Variants in GPC3 observed in about 807,000 individuals in gnomAD.
GPC3 encodes the protein glypican-3.
In GPC3, 3 loss-of-function variants were observed where a neutral mutation model predicts 34.4. The observed-to-expected ratio is 0.09, with a 90% confidence interval of 0.04 to 0.23. GPC3 has a LOEUF of 0.23. GPC3 is among the 10% of genes least tolerant of loss of function. The pLI is 1.00. For synonymous variants in GPC3, 177 were observed against 174.0 expected, an observed-to-expected ratio of 1.02 and a Z score of -0.13; for missense variants, 351 against 445.6, an observed-to-expected ratio of 0.79 and a Z score of 1.91.
At chrX:133,577,431 C>T (rs948304291) in intron 7 of GPC3, among the ~76,000 whole-genome samples, 7 of 111,638 alleles carry the variant, frequency 6.3e-5, no homozygotes, top group African/African-American at 2.3e-4. Flanking sequence ...AAGGGTTAAT[C>T]GTTAGAAAAA....
At chrX:133,677,204 G>C (rs1349182998) in intron 5 of GPC3, among the ~76,000 whole-genome samples, 2 of 111,651 alleles carry the variant, frequency 1.8e-5, no homozygotes, top group Non-Finnish European at 3.8e-5. Context: ...CAACCTACCT[G>C]CTCCCCTGTA....
chrX:133,951,018 T>C (rs1007110327), intron 2 of GPC3, among the ~76,000 whole-genome samples: 1 of 108,716 alleles, frequency 9.2e-6, no homozygotes, highest in African/African-American at 3.4e-5. Context: ...GCTAGGGTTG[T>C]CCTTCTGTCT....
At chrX:133,568,056 T>G (rs958209070) in intron 7 of GPC3, among the ~76,000 whole-genome samples, 1 of 112,077 alleles carries the variant, frequency 8.9e-6, no homozygotes, top group Non-Finnish European at 1.9e-5. Context: ...AGCTCCAGAC[T>G]CTACAAAGGA....
rs368998078 is a variant in GPC3, at chrX:133,596,420, G to A, written c.1573+20C>T. ...CATCACCATTTTTAGATTACATTTGGGTCAGCACTAATCAGTTACCTGCAA... is the reference window on the plus strand; with the variant it reads ...CATCACCATTTTTAGATTACATTTGAGTCAGCACTAATCAGTTACCTGCAA... On this transcript the variant is annotated intron_variant, in intron 7 of 7. Coordinates refer to ENST00000370818, the MANE Select transcript of GPC3 (RefSeq NM_004484.4). The A allele has an allele frequency of 3.3e-5, 39 of 1,188,389 alleles. No homozygotes were observed. Among genetic ancestry groups the A allele is most frequent in the Non-Finnish European group, 4.0e-5 (35 of 875,649 alleles).
chrX:133,574,314 T>C (rs2069657495), intron 7 of GPC3, among the ~76,000 whole-genome samples: 1 of 111,245 alleles, frequency 9.0e-6, no homozygotes, highest in South Asian at 3.8e-4. Context: ...TTGAATTGTA[T>C]GGTTATGTGA....
intron 2 of GPC3, among the ~76,000 whole-genome samples, chrX:133,879,575 C>T (rs762707575): frequency 9.0e-6 from 1 of 110,964 alleles, no homozygotes; most frequent in Non-Finnish European, 1.9e-5. Context: ...AAGGCTGAGG[C>T]AAGCAGATCA....
At chrX:133,596,741 G>A (rs2069921885) in intron 6 of GPC3, 142 bp from the exon 7 acceptor site, 1 of 594,063 alleles carries the variant, frequency 1.7e-6, no homozygotes, top group East Asian at 3.4e-5. Flanking sequence ...TTACGTAGGT[G>A]TAAACTGCTT....
chrX:133,904,041 A>G (rs753339500), intron 2 of GPC3, among the ~76,000 whole-genome samples: 2 of 112,243 alleles, frequency 1.8e-5, no homozygotes, highest in African/African-American at 3.2e-5. Flanking sequence ...CGAGGTACAG[A>G]TCCTCAATAC....
Position 133,734,361 on chromosome X carries a change from C to A in GPC3, c.1032+19121G>T, listed in dbSNP as rs186502460. Among the ~76,000 whole-genome samples the A allele has an allele frequency of 5.4e-3, 597 of 110,846 alleles. 4 individuals are homozygous for A. Among genetic ancestry groups the A allele is most frequent in the African/African-American group, 0.018 (544 of 30,578 alleles). On this transcript the variant is annotated intron_variant, in intron 3 of 7. Coordinates refer to ENST00000370818, the MANE Select transcript of GPC3 (RefSeq NM_004484.4). ...ATGCTTTGATGATAATAAAAACAAT[C>A]AAAAAACTGGGAATACAAAGGAACT...
chrX:133,615,949 A>T lies in GPC3; in HGVS notation c.1414-19350T>A, dbSNP rs187970075. Among the ~76,000 whole-genome samples the T allele has an allele frequency of 7.3e-4, 81 of 111,043 alleles. 1 individual carries two copies. The highest frequency in any genetic ancestry group is 1.2e-3 in the Non-Finnish European group (63 of 52,984). On this transcript the variant is annotated intron_variant, in intron 6 of 7. Transcript: ENST00000370818. ...TATCTATCTAAAACTCACAACTATC[A>T]GTATACTTAAAGGAGAAAAACTGAA...
intron 2 of GPC3, among the ~76,000 whole-genome samples, chrX:133,824,938 C>T (rs1053695157): frequency 6.2e-5 from 7 of 112,349 alleles, no homozygotes; most frequent in Admixed American, 9.4e-5. Flanking sequence ...AACCTGCAAC[C>T]TCTGCCTCCC....
intron 6 of GPC3, among the ~76,000 whole-genome samples, chrX:133,658,635 A>G (rs959184682): frequency 4.5e-5 from 5 of 111,780 alleles, no homozygotes; most frequent in Admixed American, 3.8e-4. Context: ...CACAGATGAG[A>G]AAAAAAATCA....
chrX:133,674,932 G>T (rs1180711275), intron 5 of GPC3, among the ~76,000 whole-genome samples: 2 of 111,583 alleles, frequency 1.8e-5, no homozygotes, highest in African/African-American at 6.5e-5. Flanking sequence ...TGAAGAACAG[G>T]ACTCTCAAAG....
At chrX:133,671,322 C>A in intron 5 of GPC3, 1 of 753,684 alleles carries the variant, frequency 1.3e-6, no homozygotes, top group Non-Finnish European at 2.1e-6. Context: ...TGCAAGAACC[C>A]AATAAAGAAA....
intron 2 of GPC3, among the ~76,000 whole-genome samples, chrX:133,877,339 T>C (rs2076021253): frequency 8.9e-6 from 1 of 111,839 alleles, no homozygotes; most frequent in African/African-American, 3.2e-5. Flanking sequence ...GGAAAGAATA[T>C]AGAACTGGCT....
At chrX:133,920,688 C>T (rs2076244543) in intron 2 of GPC3, among the ~76,000 whole-genome samples, 1 of 112,051 alleles carries the variant, frequency 8.9e-6, no homozygotes, top group Non-Finnish European at 1.9e-5. Context: ...ATTTTCAAAA[C>T]GTCTTCAGAC....
intron 2 of GPC3, among the ~76,000 whole-genome samples, chrX:133,858,148 C>G (rs1218297914): frequency 1.8e-5 from 2 of 111,632 alleles, no homozygotes; most frequent in South Asian, 7.6e-4. Context: ...TTGCCATTAT[C>G]TGGAGAAATT....
intron 6 of GPC3, among the ~76,000 whole-genome samples, chrX:133,649,022 A>G (rs1431826689): frequency 8.9e-6 from 1 of 111,857 alleles, no homozygotes; most frequent in Non-Finnish European, 1.9e-5. Context: ...CATCACCCTC[A>G]TTGAAAGTGC....
In GPC3 at chrX:133,693,272, A is replaced by G. The variant is rs372839641; in HGVS notation, c.1167-778T>C. Among the ~76,000 whole-genome samples, 46 of 109,497 alleles carry G rather than the reference A, an allele frequency of 4.2e-4. 2 individuals carry two copies. In the East Asian group the frequency reaches 9.2e-3, roughly 22 times the overall value. On this transcript the variant is annotated intron_variant, in intron 4 of 7. Coordinates refer to ENST00000370818, the MANE Select transcript of GPC3 (RefSeq NM_004484.4). ...ATTATGTCTGCAATTGTATGTAAAC[A>G]CACACACATATACCAGAAAAATTTC...
Sources: gnomAD v4.1 joint callset for allele counts (sites outside exome capture counted in the v4.1 genomes callset) on GRCh38, gnomAD v4.1.1 for gene constraint, MANE v1.5 for transcripts, NCBI Gene and HGNC (gene_info 2026-07-23, HGNC 2026-07-21) for gene names.